TRABD2B: variants seen among roughly 807,000 people sequenced by gnomAD.
The protein encoded by TRABD2B is metalloprotease TIKI2.
TRABD2B carries 14 observed loss-of-function variants against 40.1 expected under a neutral mutation model. The ratio of observed to expected loss-of-function variants is 0.35; its 90% CI spans 0.23 to 0.55. The LOEUF is 0.55. Among genes scored for constraint, TRABD2B ranks in the 20% least tolerant of loss-of-function variants. The pLI is 0.90. For missense variants in TRABD2B, 541 were observed against 648.6 expected, an observed-to-expected ratio of 0.83 and a Z score of 1.80; for synonymous variants, 263 against 277.0, an observed-to-expected ratio of 0.95 and a Z score of 0.50.
chr1:47,949,727 C>A (rs1401834827), intron 2 of TRABD2B, among the ~76,000 whole-genome samples: 3 of 152,034 alleles, frequency 2.0e-5, no homozygotes, highest in Admixed American at 2.0e-4. Flanking sequence ...ACTTTCTAGG[C>A]TATGGTTCTT....
chr1:47,963,841 C>T (rs1421897970), intron 2 of TRABD2B, among the ~76,000 whole-genome samples: 3 of 152,148 alleles, frequency 2.0e-5, no homozygotes, highest in Non-Finnish European at 4.4e-5. Context: ...AAGAACACCC[C>T]GGAGTTTACT....
At chr1:47,766,202 G>C (rs1489240200) in intron 6 of TRABD2B, 96 bp from the exon 7 acceptor site, 1 of 664,226 alleles carries the variant, frequency 1.5e-6, no homozygotes, top group Non-Finnish European at 2.7e-6. Context: ...GGTCTATTTT[G>C]CCTAATACAA....
chr1:47,784,397 T>TTTCAGGACCGTG (rs767057675), intron 4 of TRABD2B, among the ~76,000 whole-genome samples: 202 of 152,136 alleles, frequency 1.3e-3, no homozygotes, highest in Middle Eastern at 3.4e-3. Context: ...AACAGGGCAG[T>TTTCAGGACCGTG]TTCAGGACCG....
chr1:47,922,394 A>C (rs1438541931), intron 2 of TRABD2B, among the ~76,000 whole-genome samples: 3 of 152,200 alleles, frequency 2.0e-5, no homozygotes, highest in Non-Finnish European at 4.4e-5. Flanking sequence ...TCAGGGCTGA[A>C]GCTTGTGGTC....
chr1:47,779,320 T>C lies in TRABD2B; in HGVS notation c.989-776A>G, dbSNP rs886942325. On this transcript the variant is annotated intron_variant, in intron 4 of 6. Transcript: ENST00000606738. ...CGGTCACCTACAGGAGGCAGAAACA[T>C]AGAACTGAACCCTCCAGAGGTGTGT... Among the ~76,000 whole-genome samples, 3 of 152,156 alleles carry C rather than the reference T, an allele frequency of 2.0e-5. No homozygotes were observed. The South Asian group carries it at 6.2e-4, about 32-fold the overall frequency.
At chr1:47,958,944 T>C (rs937378101) in intron 2 of TRABD2B, among the ~76,000 whole-genome samples, 5 of 152,170 alleles carry the variant, frequency 3.3e-5, no homozygotes, top group South Asian at 2.1e-4. Context: ...TATTCCAAGA[T>C]TGACCACATA....
chr1:47,957,446 A>C (rs775983915), intron 2 of TRABD2B, among the ~76,000 whole-genome samples: 3 of 152,194 alleles, frequency 2.0e-5, no homozygotes, highest in Non-Finnish European at 2.9e-5. Flanking sequence ...AATCCATCAC[A>C]AAAAAGCTAA....
At chr1:47,995,974 A>G (rs1646085072) in intron 1 of TRABD2B, among the ~76,000 whole-genome samples, 2 of 152,186 alleles carry the variant, frequency 1.3e-5, no homozygotes, top group Admixed American at 1.3e-4. Flanking sequence ...ATTAATTTAC[A>G]CTTAGAGGGA....
intron 2 of TRABD2B, among the ~76,000 whole-genome samples, chr1:47,957,862 C>G (rs1056013362): frequency 1.2e-4 from 18 of 152,136 alleles, no homozygotes; most frequent in African/African-American, 4.1e-4. Context: ...CAGAGACCAC[C>G]ACGAAGATAT....
In TRABD2B at chr1:47,876,936, G is replaced by A. The variant is rs562656017; in HGVS notation, c.667-75317C>T. On this transcript the variant is annotated intron_variant, in intron 2 of 6. Coordinates refer to ENST00000606738, the MANE Select transcript of TRABD2B (RefSeq NM_001194986.2). ...TCCTGTGTGCCAGGCACTGTGCTAG[G>A]CACTGCAGATCTATAATAGTAGCTA... Among the ~76,000 whole-genome samples the A allele has an allele frequency of 5.9e-5, 9 of 152,282 alleles. No homozygotes were observed. The East Asian group carries it at 1.5e-3, about 26-fold the overall frequency.
chr1:47,934,058 T>A (rs1470839055), intron 2 of TRABD2B, among the ~76,000 whole-genome samples: 1 of 152,236 alleles, frequency 6.6e-6, no homozygotes, highest in Admixed American at 6.5e-5. Flanking sequence ...AAGCTGATGT[T>A]ATTAAACACT....
rs116412793 is a variant in TRABD2B, at chr1:47,879,379, A to G, written c.667-77760T>C. Among the ~76,000 whole-genome samples, 1,499 of 152,278 alleles carry G rather than the reference A, an allele frequency of 9.8e-3. 35 individuals carry two copies. Among genetic ancestry groups the G allele is most frequent in the African/African-American group, 0.034 (1,397 of 41,560 alleles). On this transcript the variant is annotated intron_variant, in intron 2 of 6. Coordinates refer to ENST00000606738, the MANE Select transcript of TRABD2B (RefSeq NM_001194986.2). ...TTTAGATATGTTGAGATACACAAAT[A>G]TTTACCACTGTGTTACAATTGCCTA...
chr1:47,928,706 G>A (rs1262075604), intron 2 of TRABD2B, among the ~76,000 whole-genome samples: 1 of 152,260 alleles, frequency 6.6e-6, no homozygotes, highest in Non-Finnish European at 1.5e-5. Flanking sequence ...ATCAGTTACT[G>A]TGGTACCTAA....
intron 2 of TRABD2B, among the ~76,000 whole-genome samples, chr1:47,920,409 G>C (rs578184067): frequency 2.6e-5 from 4 of 152,318 alleles, no homozygotes; most frequent in Non-Finnish European, 4.4e-5. Flanking sequence ...CCTAGACCAT[G>C]TGACTCTGAA....
intron 2 of TRABD2B, among the ~76,000 whole-genome samples, chr1:47,889,023 G>A (rs1018629261): frequency 2.0e-5 from 3 of 152,186 alleles, no homozygotes; most frequent in Non-Finnish European, 4.4e-5. Context: ...GCACTCTCTG[G>A]AGTAATTTGT....
intron 2 of TRABD2B, among the ~76,000 whole-genome samples, chr1:47,843,944 C>T (rs369038663): frequency 1.3e-5 from 2 of 152,278 alleles, no homozygotes; most frequent in East Asian, 1.9e-4. Flanking sequence ...GAGCCTCTCT[C>T]GATGGGCACC....
chr1:47,849,478 G>A (rs1178905124), intron 2 of TRABD2B, among the ~76,000 whole-genome samples: 2 of 152,184 alleles, frequency 1.3e-5, no homozygotes, highest in African/African-American at 2.4e-5. Context: ...TCTTTGTTAC[G>A]GCAGTCTCAG....
chr1:47,821,915 G>A (rs1645115772), intron 2 of TRABD2B, among the ~76,000 whole-genome samples: 1 of 152,112 alleles, frequency 6.6e-6, no homozygotes, highest in South Asian at 2.1e-4. Context: ...GGAACAATGA[G>A]GCACTGCTGA....
chr1:47,888,629 A>G (rs984144179), intron 2 of TRABD2B, among the ~76,000 whole-genome samples: 2 of 151,848 alleles, frequency 1.3e-5, no homozygotes, highest in Non-Finnish European at 2.9e-5. Flanking sequence ...TGCTTACCAC[A>G]CCCATATCCT....
Sources: gnomAD v4.1 joint callset for allele counts (sites outside exome capture counted in the v4.1 genomes callset) on GRCh38, gnomAD v4.1.1 for gene constraint, MANE v1.5 for transcripts, NCBI Gene and HGNC (gene_info 2026-07-23, HGNC 2026-07-21) for gene names.